RPA3: variants seen among roughly 807,000 people sequenced by gnomAD.
RPA3 encodes the protein replication protein A3.
In RPA3, 24 loss-of-function variants were observed where a neutral mutation model predicts 13.7. The ratio of observed to expected loss-of-function variants is 1.75; its 90% confidence interval spans 1.27 to 2.46. The LOEUF is 2.46. Ranked by LOEUF, RPA3 falls within the 30% of genes most tolerant of loss-of-function variation. The pLI is 0.00. For synonymous variants in RPA3, 59 were observed against 51.2 expected, an observed-to-expected ratio of 1.15 and a Z score of -0.65; for missense variants, 183 against 151.0, an observed-to-expected ratio of 1.21 and a Z score of -1.11.
intron 4 of RPA3, among the ~76,000 whole-genome samples, chr7:7,660,654 T>G (rs1785451981): frequency 1.3e-5 from 2 of 152,246 alleles, no homozygotes; most frequent in Non-Finnish European, 2.9e-5. Context: ...CCTGTAGGGT[T>G]TCTGCAGAGA....
At chr7:7,662,741 A>G (rs914707973) in intron 4 of RPA3, among the ~76,000 whole-genome samples, 9 of 151,142 alleles carry the variant, frequency 6.0e-5, no homozygotes, top group African/African-American at 1.2e-4. Context: ...GGAACTGCAG[A>G]TGGAGCTGTT....
intron 4 of RPA3, among the ~76,000 whole-genome samples, chr7:7,661,085 T>C (rs1785463796): frequency 6.6e-6 from 1 of 152,204 alleles, no homozygotes; most frequent in African/African-American, 2.4e-5. Flanking sequence ...TCTGATATCC[T>C]TTCTTCCACT....
intron 2 of RPA3, among the ~76,000 whole-genome samples, chr7:7,714,565 C>A (rs970485489): frequency 4.6e-5 from 7 of 152,170 alleles, no homozygotes; most frequent in African/African-American, 1.7e-4. Context: ...GACTTAGGAT[C>A]TAGGAATCAG....
chr7:7,711,665 T>C (rs1780768043), intron 2 of RPA3, among the ~76,000 whole-genome samples: 1 of 152,156 alleles, frequency 6.6e-6, no homozygotes, highest in Non-Finnish European at 1.5e-5. Flanking sequence ...GTAAAATCAC[T>C]ATTGATCTCT....
rs56976423 is a variant in RPA3, at chr7:7,699,050, G to GT, written c.-1027-11723_-1027-11722insA. Among the ~76,000 whole-genome samples, 234 of 53,552 alleles carry GT rather than the reference G, an allele frequency of 4.4e-3. 2 individuals are homozygous for GT. The highest frequency in any genetic ancestry group is 9.6e-3 in the Middle Eastern group (1 of 104). The allele number at this position is 53,552 out of a possible 152,430, so 35.1% of individuals were successfully genotyped here. On this transcript the variant is annotated intron_variant, in intron 2 of 7. Coordinates refer to ENST00000223129, the MANE Select transcript of RPA3 (RefSeq NM_002947.5). ...TTATATAGTTTGTGTGTGTGTGTGT[G>GT]GGGGGGGGGTAGATACCAGGTTTGC...
chr7:7,702,358 GTTTTAATATGACATATT>G (rs1230039205), intron 2 of RPA3, among the ~76,000 whole-genome samples: 2 of 152,122 alleles, frequency 1.3e-5, no homozygotes, highest in East Asian at 3.9e-4. Context: ...ATTCAGTGCA[GTTTTAATATGACATATT>G]TTATTATCTC....
intron 4 of RPA3, among the ~76,000 whole-genome samples, chr7:7,662,290 G>T (rs1367104913): frequency 6.6e-6 from 1 of 152,136 alleles, no homozygotes; most frequent in Non-Finnish European, 1.5e-5. Context: ...TGGCTCCCTG[G>T]CTTCAGCCCC....
At chr7:7,645,207 A>G (rs1202915062) in intron 4 of RPA3, among the ~76,000 whole-genome samples, 1 of 152,062 alleles carries the variant, frequency 6.6e-6, no homozygotes, top group African/African-American at 2.4e-5. Flanking sequence ...TACATATTTT[A>G]TTTATCTTTC....
chr7:7,682,738 G>T (rs565545761), intron 4 of RPA3, among the ~76,000 whole-genome samples: 1 of 152,146 alleles, frequency 6.6e-6, no homozygotes, highest in Non-Finnish European at 1.5e-5. Flanking sequence ...CCTTACCCAC[G>T]TATCGGGATA....
chr7:7,716,729 A>G (rs1780915047), intron 1 of RPA3, among the ~76,000 whole-genome samples: 1 of 152,220 alleles, frequency 6.6e-6, no homozygotes, highest in Admixed American at 6.5e-5. Context: ...GCGGATCACG[A>G]GGTCAGGAGA....
intron 4 of RPA3, among the ~76,000 whole-genome samples, chr7:7,651,197 A>G (rs138863662): frequency 1.3e-5 from 2 of 152,362 alleles, no homozygotes; most frequent in African/African-American, 4.8e-5. Flanking sequence ...AAAGATTTCA[A>G]AAATTACATA....
At chr7:7,662,936 A>C (rs1322337278) in intron 4 of RPA3, among the ~76,000 whole-genome samples, 1 of 152,208 alleles carries the variant, frequency 6.6e-6, no homozygotes, top group Admixed American at 6.5e-5. Flanking sequence ...TTTTCAATGG[A>C]AAGTTTTAGA....
At position 7,644,810 on chromosome 7, in the gene RPA3, T is replaced by C. The variant is rs1441870629; in HGVS notation, c.-757-3635A>G. On this transcript the variant is annotated intron_variant, in intron 4 of 7. Transcript: ENST00000223129. ...GGAATGTCTTGGTTATTTTTGTCTC[T>C]TTGCTCTTCTGTATAGAATGTAGCT... Among the ~76,000 whole-genome samples, 3 of 152,198 alleles carry C rather than the reference T, an allele frequency of 2.0e-5. No homozygotes were observed. The East Asian group carries it at 5.8e-4, about 29-fold the overall frequency.
intron 4 of RPA3, among the ~76,000 whole-genome samples, chr7:7,662,756 T>C (rs1025815140): frequency 6.6e-6 from 1 of 152,210 alleles, no homozygotes; most frequent in African/African-American, 2.4e-5. Context: ...GCTGTTGCTA[T>C]TCGGCCATCT....
intron 2 of RPA3, among the ~76,000 whole-genome samples, chr7:7,710,335 T>C (rs1436748021): frequency 2.0e-5 from 3 of 152,000 alleles, no homozygotes; most frequent in Admixed American, 1.3e-4. Flanking sequence ...GTCCCTAGAA[T>C]AAGTACTTGC....
intron 2 of RPA3, chr7:7,692,257 C>G (rs1563127373): frequency 6.6e-6 from 1 of 152,094 alleles, no homozygotes; most frequent in Non-Finnish European, 1.5e-5. Context: ...TAGTCCTCAC[C>G]AGGAAAATAA....
Position 7,636,971 on chromosome 7 carries a change from A to T in RPA3, c.*29T>A. 6.7e-7 allele frequency: 1 copy of T among 1,496,856 alleles called. No individual in the cohort carries two copies. The highest frequency in any genetic ancestry group is 9.3e-7 in the Non-Finnish European group (1 of 1,075,304). The allele number at this position is 1,496,856 out of a possible 1,614,324, so 92.7% of individuals were successfully genotyped here. ...CCTTTAATAGACTTTAATATAGCTC[A>T]TTTACAATCGTATGAAAATCCATCA... On this transcript the variant is annotated 3_prime_UTR_variant, in exon 8 of 8. Coordinates refer to ENST00000223129, the MANE Select transcript of RPA3 (RefSeq NM_002947.5).
chr7:7,660,416 G>T (rs1185855083), intron 4 of RPA3, among the ~76,000 whole-genome samples: 1 of 152,142 alleles, frequency 6.6e-6, no homozygotes, highest in Non-Finnish European at 1.5e-5. Context: ...TTACAATTTG[G>T]TATGTTTTTG....
intron 4 of RPA3, among the ~76,000 whole-genome samples, chr7:7,648,438 C>T (rs781345713): frequency 6.6e-6 from 1 of 152,002 alleles, no homozygotes; most frequent in Admixed American, 6.6e-5. Flanking sequence ...ATATAGCTGG[C>T]GATTCATTTT....
Sources: gnomAD v4.1 joint callset for allele counts (sites outside exome capture counted in the v4.1 genomes callset) on GRCh38, gnomAD v4.1.1 for gene constraint, MANE v1.5 for transcripts, NCBI Gene and HGNC (gene_info 2026-07-23, HGNC 2026-07-21) for gene names.